Variants in TBC1D1 observed in about 807,000 individuals in gnomAD.
TBC1D1 encodes the protein TBC1 (tre-2/USP6, BUB2, cdc16) domain family, member 1.
Under a neutral mutation model 125.6 loss-of-function variants are expected in TBC1D1, and 89 were observed. The observed-to-expected ratio is 0.71, with a 90% CI of 0.60 to 0.85. The LOEUF (loss-of-function observed/expected upper bound fraction) is 0.85. TBC1D1 is among the 40% of genes least tolerant of loss of function. The pLI is 0.00. For missense variants in TBC1D1, 1,377 were observed against 1,469.2 expected (o/e 0.94, Z 1.03); for synonymous variants, 565 against 564.1 (o/e 1.00, Z -0.02).
intron 15 of TBC1D1, chr4:38,110,178 G>A: frequency 1.0e-6 from 1 of 985,008 alleles, no homozygotes; most frequent in Non-Finnish European, 1.2e-6. Context: ...TGAAAATGCA[G>A]TCAGATGGGC....
At chr4:38,084,287 T>G (rs1472195742) in intron 12 of TBC1D1, among the ~76,000 whole-genome samples, 1 of 152,234 alleles carries the variant, frequency 6.6e-6, no homozygotes, top group Non-Finnish European at 1.5e-5. Context: ...TGTCATATAA[T>G]GCAACTGTAG....
chr4:37,928,041 G>T (rs1934919838), intron 2 of TBC1D1, among the ~76,000 whole-genome samples: 1 of 152,158 alleles, frequency 6.6e-6, no homozygotes, highest in African/African-American at 2.4e-5. Flanking sequence ...CTAGCTTAAG[G>T]TCCTTGGGAA....
chr4:38,083,728 C>T (rs1430001099), intron 12 of TBC1D1, among the ~76,000 whole-genome samples: 1 of 152,168 alleles, frequency 6.6e-6, no homozygotes, highest in African/African-American at 2.4e-5. Context: ...ATCCCAGATA[C>T]CTGGCTCCAG....
intron 12 of TBC1D1, among the ~76,000 whole-genome samples, chr4:38,056,779 G>C (rs1220087578): frequency 1.3e-5 from 2 of 152,218 alleles, no homozygotes; most frequent in African/African-American, 2.4e-5. Context: ...CTGCACTCCA[G>C]CCTGGGCAAC....
intron 2 of TBC1D1, among the ~76,000 whole-genome samples, chr4:37,912,801 G>A (rs577477404): frequency 6.6e-6 from 1 of 152,272 alleles, no homozygotes; most frequent in South Asian, 2.1e-4. Context: ...AATCCTACCT[G>A]AGCCTTAATA....
chr4:38,103,230 A>G, intron 15 of TBC1D1, 73 bp downstream of exon 17: 2 of 1,488,930 alleles, frequency 1.3e-6, no homozygotes, highest in Non-Finnish European at 1.8e-6. Context: ...AGACTGTCCA[A>G]GTTATGTATT....
intron 7 of TBC1D1, among the ~76,000 whole-genome samples, chr4:38,030,133 C>T (rs117444156): frequency 6.6e-6 from 1 of 152,294 alleles, no homozygotes; most frequent in East Asian, 1.9e-4. Flanking sequence ...TAGACAGCAC[C>T]ACGTAGCTCT....
intron 18 of TBC1D1, among the ~76,000 whole-genome samples, chr4:38,129,980 A>C (rs1340247401): frequency 6.6e-6 from 1 of 152,190 alleles, no homozygotes; most frequent in African/African-American, 2.4e-5. Flanking sequence ...AAATATTCAT[A>C]CCCTTTGACT....
At position 38,096,063 on chromosome 4, in the gene TBC1D1, G is replaced by GA; in HGVS notation, c.2377dup (p.Met793AsnfsTer16). 1 of 1,612,788 alleles carries GA rather than the reference G, an allele frequency of 6.2e-7. No homozygotes were observed. Among genetic ancestry groups the GA allele is most frequent in the Non-Finnish European group, 8.5e-7 (1 of 1,179,330 alleles). On this transcript the variant is annotated frameshift_variant, in exon 14 of 20. Coordinates refer to ENST00000261439, the MANE Select transcript of TBC1D1 (RefSeq NM_015173.4). LOFTEE classifies it high-confidence loss of function. ...AAGATCAAAAATTAAGTTTGACATG[G>GA]AAAAAATGCACTCGGCTGTTGGGCA...
chr4:37,931,165 C>A (rs1349667820), intron 2 of TBC1D1, among the ~76,000 whole-genome samples: 1 of 152,118 alleles, frequency 6.6e-6, no homozygotes, highest in Non-Finnish European at 1.5e-5. Context: ...TGCAGTGGAG[C>A]AATCTCTGCT....
chr4:38,133,925 G>C (rs1269776110), intron 19 of TBC1D1, among the ~76,000 whole-genome samples: 1 of 152,178 alleles, frequency 6.6e-6, no homozygotes, highest in East Asian at 1.9e-4. Flanking sequence ...CATCACCCAG[G>C]CACACTGCCC....
In TBC1D1 at chr4:37,995,654, A is replaced by G. The variant is rs1234231997; in HGVS notation, c.418-18855A>G. The G allele has an allele frequency of 1.9e-6, 1 of 513,628 alleles. No homozygotes were observed. The allele number at this position is 513,628 out of a possible 1,614,324, so 31.8% of individuals were successfully genotyped here. On this transcript the variant is annotated intron_variant, in intron 2 of 19. Transcript: ENST00000261439. The surrounding 1 kb of genome is among the most constrained non-coding windows in gnomAD (Gnocchi z 4.3). ...TCTCACTTTTGCACCAACGCCTGGT[A>G]ATCCATTACATGGGTCTCCTTGGAG...
At chr4:38,050,190 G>T (rs1290375684) in intron 11 of TBC1D1, among the ~76,000 whole-genome samples, 1 of 152,204 alleles carries the variant, frequency 6.6e-6, no homozygotes, top group Non-Finnish European at 1.5e-5. Flanking sequence ...GAACTTTGCT[G>T]CTGTGAGGAA....
At chr4:38,085,753 T>G (rs1050355053) in intron 12 of TBC1D1, among the ~76,000 whole-genome samples, 1 of 152,230 alleles carries the variant, frequency 6.6e-6, no homozygotes, top group African/African-American at 2.4e-5. Context: ...ACCTAACGCA[T>G]TGCATCGCTG....
rs13110318 is a variant in TBC1D1, at chr4:38,137,235, G to C, written c.3407G>C (p.Arg1136Pro). ...GCCATGCTTACCTTAGAACTGGAGC[G>C]GTCGGCCCTGCTGCAGACGGTGGAG... The change falls in exon 20 of 20, where the codon CGG (arginine) becomes CCG (proline). Residue 1136 changes from arginine to proline, a missense_variant. Coordinates refer to ENST00000261439, the MANE Select transcript of TBC1D1 (RefSeq NM_015173.4). 1 of 1,612,346 alleles carries C rather than the reference G, an allele frequency of 6.2e-7. No individual in the cohort carries two copies. Among genetic ancestry groups the C allele is most frequent in the East Asian group, 2.2e-5 (1 of 44,862 alleles).
chr4:38,020,749 G>T, intron 5 of TBC1D1, 54 bp downstream of exon 5: 5 of 1,500,346 alleles, frequency 3.3e-6, no homozygotes, highest in Non-Finnish European at 4.6e-6. Flanking sequence ...AGGAATTTTA[G>T]CTCCACTGAT....
chr4:37,905,123 G>C (rs1717030750), intron 2 of TBC1D1, among the ~76,000 whole-genome samples: 1 of 152,220 alleles, frequency 6.6e-6, no homozygotes, highest in Non-Finnish European at 1.5e-5. Flanking sequence ...TGTCTTGGGA[G>C]AAGAGGCATG....
chr4:37,910,808 T>G (rs1329008231), intron 2 of TBC1D1, among the ~76,000 whole-genome samples: 1 of 152,140 alleles, frequency 6.6e-6, no homozygotes. Flanking sequence ...TTGGATTGTT[T>G]GTAACACAAA....
rs17578906 is a variant in TBC1D1 at position 37,904,020 on chromosome 4, A to G, written c.417+1508A>G. On this transcript the variant is annotated intron_variant, in intron 2 of 19. Transcript: ENST00000261439. ...TCAGGCTTGGAGATTCAGAGGGACT[A>G]ACTTCCTGTACTCTAATCCTACTTC... is the stretch of plus-strand genomic sequence containing the variant. Among the ~76,000 whole-genome samples, 172 of 152,336 alleles carry G rather than the reference A, an allele frequency of 1.1e-3. 2 individuals carry two copies. In the East Asian group the frequency reaches 0.026, roughly 23 times the overall value.
Sources: allele counts gnomAD v4.1 joint callset (sites outside exome capture counted in the v4.1 genomes callset), GRCh38; gene constraint gnomAD v4.1.1; non-coding constraint Gnocchi (gnomAD v3.1); transcripts MANE v1.5; gene names NCBI Gene and HGNC (gene_info 2026-07-23, HGNC 2026-07-21).